Variants in HERC2 observed in about 807,000 individuals in gnomAD.
HERC2 encodes the protein E3 ubiquitin-protein ligase HERC2.
In HERC2, 102 loss-of-function variants were observed where a neutral mutation model predicts 537.7. The observed-to-expected ratio is 0.19, with a 90% CI of 0.16 to 0.22. The LOEUF is 0.22. Among genes scored for constraint, HERC2 ranks in the 10% least tolerant of loss-of-function variants. The pLI is 1.00. For synonymous variants in HERC2, 2,224 were observed against 2,466.2 expected (o/e 0.90, Z 2.91); for missense variants, 4,236 against 6,198.2 (o/e 0.68, Z 10.63).
chr15:28,258,531 T>G (rs2140912435), intron 16 of HERC2, among the ~76,000 whole-genome samples: 1 of 152,214 alleles, frequency 6.6e-6, no homozygotes, highest in East Asian at 1.9e-4. Flanking sequence ...AGAGAAATTA[T>G]AAAATATTTT....
At chr15:28,137,068 G>T (rs540533496) in intron 78 of HERC2, among the ~76,000 whole-genome samples, 275 of 152,220 alleles carry the variant, frequency 1.8e-3, no homozygotes, top group African/African-American at 4.9e-3. Flanking sequence ...TGGCAGAGGG[G>T]AATAGGTTAG....
intron 15 of HERC2, among the ~76,000 whole-genome samples, chr15:28,262,024 C>T (rs2075427823): frequency 6.6e-6 from 1 of 152,168 alleles, no homozygotes; most frequent in Admixed American, 6.5e-5. Context: ...CCACCTACTT[C>T]AAATACAATC....
chr15:28,167,861 G>A (rs1894307538), intron 67 of HERC2, 34 bp from the exon 68 acceptor site: 2 of 1,574,370 alleles, frequency 1.3e-6, no homozygotes, highest in Non-Finnish European at 1.7e-6. Context: ...GGAAGTTTAA[G>A]TGGAAAAACT....
At chr15:28,213,683 G>A (rs992254206) in intron 42 of HERC2, 59 bp downstream of exon 42, 34 of 1,611,124 alleles carry the variant, frequency 2.1e-5, no homozygotes, top group Admixed American at 3.3e-5. Flanking sequence ...GCTGGTGCTC[G>A]GTTCTAGTGT....
In HERC2 at chr15:28,271,012, A is replaced by G. The variant is rs114034003; in HGVS notation, c.1084-144T>C. 3.5e-3 allele frequency: 2,399 copies of G among 685,034 alleles called. 42 individuals are homozygous for G. The African/African-American group carries it at 0.04, about 11-fold the overall frequency. 42.4% of individuals were successfully genotyped at this position (685,034 alleles called of 1,614,324 possible). Reference sequence around the variant, plus strand: ...TGTCAATGATACAGTTATACTATACATCTATATATTTATGCAGCATATAAA... The same window carrying G: ...TGTCAATGATACAGTTATACTATACGTCTATATATTTATGCAGCATATAAA... On this transcript the variant is annotated intron_variant, in intron 9 of 92. Transcript: ENST00000261609.
chr15:28,219,863 G>A (rs147020516), intron 37 of HERC2, among the ~76,000 whole-genome samples: 6 of 152,244 alleles, frequency 3.9e-5, no homozygotes, highest in South Asian at 2.1e-4. Flanking sequence ...GAAATGTCAC[G>A]AAACCTCCTC....
intron 3 of HERC2, among the ~76,000 whole-genome samples, chr15:28,295,952 AG>A (rs1258691085): frequency 6.6e-6 from 1 of 152,066 alleles, no homozygotes; most frequent in Non-Finnish European, 1.5e-5. Flanking sequence ...TACAGAAAGT[AG>A]GCCACCCCCA....
At chr15:28,289,533 A>G (rs1209737062) in intron 4 of HERC2, among the ~76,000 whole-genome samples, 1 of 152,170 alleles carries the variant, frequency 6.6e-6, no homozygotes, top group Non-Finnish European at 1.5e-5. Context: ...ATGCCTCCCC[A>G]GCACGATGGA....
At chr15:28,139,687 G>A (rs1215047894) in intron 78 of HERC2, among the ~76,000 whole-genome samples, 2 of 152,160 alleles carry the variant, frequency 1.3e-5, no homozygotes, top group Non-Finnish European at 2.9e-5. Flanking sequence ...TACATATCCT[G>A]ACCAAACTGG....
chr15:28,251,596 T>G (rs771011158), intron 20 of HERC2, among the ~76,000 whole-genome samples: 5 of 151,928 alleles, frequency 3.3e-5, no homozygotes, highest in Admixed American at 3.3e-4. Context: ...AGGTCAGGAG[T>G]TCGAGACCAG....
chr15:28,270,791 A>G lies in HERC2; in HGVS notation c.1161T>C (p.Ile387=), dbSNP rs2140987227. Residue 387 remains isoleucine, a synonymous_variant, in exon 10 of 93, where the codon ATT becomes ATC. Transcript: ENST00000261609. ...CAACAACCGCCGTTTGTCGCAGATC[A>G]ATGGCAAGCTCGTTGTCTTGTGGAA... The part of the protein sequence containing the change: ...LTLPQDNELA[I]DLRQTAVVVM... 1.2e-6 allele frequency: 2 copies of G among 1,613,966 alleles called. No individual in the cohort carries two copies. The highest frequency in any genetic ancestry group is 1.7e-6 in the Non-Finnish European group (2 of 1,179,864).
intron 86 of HERC2, among the ~76,000 whole-genome samples, chr15:28,119,696 C>A (rs1275090652): frequency 2.0e-5 from 3 of 152,038 alleles, no homozygotes; most frequent in Non-Finnish European, 4.4e-5. Context: ...TCAAGCAATC[C>A]ATCCACGTCA....
chr15:28,254,814 A>G (rs867456929), intron 19 of HERC2, among the ~76,000 whole-genome samples: 1 of 152,176 alleles, frequency 6.6e-6, no homozygotes. Context: ...ACAAAACCCA[A>G]TGTGATGTGC....
intron 69 of HERC2, among the ~76,000 whole-genome samples, chr15:28,159,508 CT>C (rs1406762962): frequency 6.6e-6 from 1 of 152,180 alleles, no homozygotes; most frequent in African/African-American, 2.4e-5. Context: ...ATACCCCTTC[CT>C]CCAGGTGATC....
chr15:28,282,833 G>C (rs1216522507), intron 4 of HERC2, among the ~76,000 whole-genome samples: 1 of 151,970 alleles, frequency 6.6e-6, no homozygotes, highest in Admixed American at 6.6e-5. Context: ...TCGAGAGGCT[G>C]AGACAGAAGA....
chr15:28,252,247 C>A (rs2075107322), intron 20 of HERC2, among the ~76,000 whole-genome samples: 1 of 151,962 alleles, frequency 6.6e-6, no homozygotes, highest in Non-Finnish European at 1.5e-5. Context: ...AGCTGCAGCT[C>A]AAACAGCATA....
intron 20 of HERC2, among the ~76,000 whole-genome samples, chr15:28,251,614 A>G (rs1169257309): frequency 6.6e-6 from 1 of 152,204 alleles, no homozygotes; most frequent in Non-Finnish European, 1.5e-5. Flanking sequence ...CAGCCTGGCC[A>G]ACATGGTGAA....
intron 2 of HERC2, among the ~76,000 whole-genome samples, chr15:28,310,416 G>C (rs1220875303): frequency 6.6e-6 from 1 of 152,032 alleles, no homozygotes; most frequent in African/African-American, 2.4e-5. Flanking sequence ...CTGTACTCCA[G>C]CCTGGGCAAT....
chr15:28,272,466 A>AT, intron 8 of HERC2, 80 bp from the exon 9 acceptor site: 1 of 1,296,612 alleles, frequency 7.7e-7, no homozygotes, highest in South Asian at 1.3e-5. Context: ...AAAAGCAAAT[A>AT]GCTGGATAGA....
Sources: allele counts gnomAD v4.1 joint callset (sites outside exome capture counted in the v4.1 genomes callset), GRCh38; gene constraint gnomAD v4.1.1; transcripts MANE v1.5; gene names NCBI Gene and HGNC (gene_info 2026-07-23, HGNC 2026-07-21).